MMP26: variants seen among roughly 807,000 people sequenced by gnomAD.
MMP26 encodes the protein matrix metallopeptidase 26.
MMP26 carries 33 observed loss-of-function variants against 31.0 expected under a neutral mutation model. The ratio of observed to expected loss-of-function variants is 1.06; its 90% CI spans 0.81 to 1.42. The LOEUF is 1.42. Among genes scored for constraint, MMP26 ranks in the 40% most tolerant of loss-of-function variants. MMP26 has a pLI of 0.00. For synonymous variants in MMP26, 122 were observed against 114.9 expected, an observed-to-expected ratio of 1.06 and a Z score of -0.40; for missense variants, 347 against 316.1, an observed-to-expected ratio of 1.10 and a Z score of -0.74.
intron 1 of MMP26, among the ~76,000 whole-genome samples, chr11:4,707,843 T>C (rs1301925340): frequency 6.6e-6 from 1 of 152,222 alleles, no homozygotes; most frequent in Non-Finnish European, 1.5e-5. Context: ...CCATTTTTTC[T>C]GGCTCTGAGA....
At chr11:4,937,072 G>A (rs112375462) in intron 2 of MMP26, among the ~76,000 whole-genome samples, 4 of 152,056 alleles carry the variant, frequency 2.6e-5, no homozygotes, top group African/African-American at 9.7e-5. Flanking sequence ...TATTGTATTG[G>A]CATATATTTT....
chr11:4,715,500 C>CA (rs1564893130), intron 1 of MMP26, among the ~76,000 whole-genome samples: 1 of 151,722 alleles, frequency 6.6e-6, no homozygotes, highest in South Asian at 2.1e-4. Context: ...TTGTCTTATT[C>CA]AAAAAAGAGA....
chr11:4,836,651 CTTTTTTTTTT>C (rs71480270), intron 2 of MMP26, among the ~76,000 whole-genome samples: 4 of 95,960 alleles, frequency 4.2e-5, no homozygotes, highest in Non-Finnish European at 8.2e-5. Flanking sequence ...TCAAAGACAT[CTTTTTTTTTT>C]TTTTTTTTTT....
chr11:4,709,562 G>A lies in MMP26; in HGVS notation c.-217+4517G>A, dbSNP rs148249740. The A allele has an allele frequency of 1.8e-3, 758 of 432,572 alleles. 2 individuals carry two copies. The highest frequency in any genetic ancestry group is 2.5e-3 in the Non-Finnish European group (531 of 214,556). 26.8% of individuals were successfully genotyped at this position (432,572 alleles called of 1,614,324 possible). On this transcript the variant is annotated intron_variant, in intron 1 of 7. Transcript: ENST00000380390. ...TTTCCTCAAAGACATCTGCTTCTTCGCTCATCATGCCATCCTTCAACCAGA... is the reference window on the plus strand; with the variant it reads ...TTTCCTCAAAGACATCTGCTTCTTCACTCATCATGCCATCCTTCAACCAGA...
At position 4,785,215 on chromosome 11, in the gene MMP26, A is replaced by C. The variant is rs539595487; in HGVS notation, c.-145+17874A>C. On this transcript the variant is annotated intron_variant, in intron 2 of 7. Coordinates refer to ENST00000380390, the MANE Select transcript of MMP26 (RefSeq NM_021801.5). ...TCCAAGAAACCCTTCAGTTCTGGGA[A>C]AGAGCAGACAGTTGATCACTGTACT... is the stretch of plus-strand genomic sequence containing the variant. Among the ~76,000 whole-genome samples the C allele has an allele frequency of 6.0e-4, 91 of 152,308 alleles. 1 individual carries two copies. Among genetic ancestry groups the C allele is most frequent in the African/African-American group, 2.1e-3 (89 of 41,584 alleles).
chr11:4,732,961 G>A (rs79677392), intron 1 of MMP26, among the ~76,000 whole-genome samples: 2,791 of 152,292 alleles, frequency 0.018, 90 homozygotes, highest in African/African-American at 0.065. Context: ...TAGCTGACAG[G>A]ACACGTGAGT....
chr11:4,823,774 G>A (rs1275205518), intron 2 of MMP26, among the ~76,000 whole-genome samples: 2 of 152,078 alleles, frequency 1.3e-5, no homozygotes, highest in Non-Finnish European at 2.9e-5. Flanking sequence ...AGTTTTTCCT[G>A]TTGCTAAGTA....
At position 4,804,026 on chromosome 11, in the gene MMP26, T is replaced by C. The variant is rs1210528659; in HGVS notation, c.-145+36685T>C. On this transcript the variant is annotated intron_variant, in intron 2 of 7. Transcript: ENST00000380390. ...ACGTAGCAGTCCAGGGCCATAGCCA[T>C]GAGCACCCCAGACTCCACAGAAGAA... The C allele has an allele frequency of 1.2e-6, 2 of 1,613,916 alleles. No homozygotes were observed. The highest frequency in any genetic ancestry group is 1.7e-5 in the Admixed American group (1 of 59,978).
At chr11:4,742,370 T>A (rs927303281) in intron 1 of MMP26, among the ~76,000 whole-genome samples, 4 of 152,132 alleles carry the variant, frequency 2.6e-5, no homozygotes, top group Non-Finnish European at 4.4e-5. Flanking sequence ...TAAGGAATGG[T>A]TTCCAGCAAA....
intron 2 of MMP26, among the ~76,000 whole-genome samples, chr11:4,865,652 A>T (rs1323521338): frequency 1.3e-5 from 2 of 151,972 alleles, no homozygotes; most frequent in African/African-American, 2.4e-5. Flanking sequence ...CAGGAGTAGG[A>T]GTAGTAGTTG....
chr11:4,819,458 T>C (rs1257580297), intron 2 of MMP26, among the ~76,000 whole-genome samples: 1 of 150,912 alleles, frequency 6.6e-6, no homozygotes, highest in Non-Finnish European at 1.5e-5. Flanking sequence ...TGGGAGAATA[T>C]TAAGAGAGAC....
At position 4,833,109 on chromosome 11, in the gene MMP26, C is replaced by T. The variant is rs1427577648; in HGVS notation, c.-145+65768C>T. ...TGGAAATTCTATTTTTTTCACAATACATTTTCTTAGGAGAAGGACAGTGTT... is the reference window on the plus strand; with the variant it reads ...TGGAAATTCTATTTTTTTCACAATATATTTTCTTAGGAGAAGGACAGTGTT... On this transcript the variant is annotated intron_variant, in intron 2 of 7. Transcript: ENST00000380390. 2.6e-5 allele frequency: 4 copies of T among 152,190 alleles called. No individual in the cohort carries two copies. The East Asian group carries it at 7.7e-4, about 29-fold the overall frequency. The allele number at this position is 152,190 out of a possible 1,614,324, so 9.4% of individuals were successfully genotyped here.
intron 2 of MMP26, among the ~76,000 whole-genome samples, chr11:4,873,356 T>G (rs1850335246): frequency 6.6e-6 from 1 of 152,100 alleles, no homozygotes; most frequent in Admixed American, 6.6e-5. Flanking sequence ...ATATCGTCTC[T>G]TCATCTTTGG....
intron 2 of MMP26, among the ~76,000 whole-genome samples, chr11:4,941,760 T>TAAAC (rs10633440): frequency 0.83 from 126,142 of 151,318 alleles, 52,746 homozygotes; most frequent in Middle Eastern, 0.91. Context: ...AAAATAGAAA[T>TAAAC]AAGCAAACTG....
At chr11:4,749,004 T>C (rs564850369) in intron 1 of MMP26, among the ~76,000 whole-genome samples, 31 of 152,148 alleles carry the variant, frequency 2.0e-4, no homozygotes, top group African/African-American at 7.5e-4. Context: ...AATCAAATTA[T>C]CTCTATTTGA....
intron 2 of MMP26, chr11:4,924,347 C>G (rs781483561): frequency 1.3e-6 from 2 of 1,574,850 alleles, no homozygotes; most frequent in East Asian, 2.2e-5. Flanking sequence ...CATAGCTTTA[C>G]AATCTTGGAC....
intron 2 of MMP26, chr11:4,769,187 A>G: frequency 6.2e-7 from 1 of 1,614,112 alleles, no homozygotes; most frequent in Non-Finnish European, 8.5e-7. Flanking sequence ...CACATGGGAG[A>G]CACAGGTGCT....
chr11:4,986,936 T>TCTCTCTCTCTCTCTCTCTCA, intron 2 of MMP26, among the ~76,000 whole-genome samples: 1 of 113,178 alleles, frequency 8.8e-6, no homozygotes, highest in African/African-American at 4.6e-5. Context: ...TCTCTCCCTC[T>TCTCTCTCTCTCTCTCTCTCA]CTCTCTCTCT....
chr11:4,972,937 T>A (rs1219436881), intron 2 of MMP26: 1 of 152,254 alleles, frequency 6.6e-6, no homozygotes, highest in Non-Finnish European at 1.5e-5. Flanking sequence ...TGGTTAAGCA[T>A]CCGCTTCAGC....
Sources: allele counts gnomAD v4.1 joint callset (sites outside exome capture counted in the v4.1 genomes callset), GRCh38; gene constraint gnomAD v4.1.1; transcripts MANE v1.5; gene names NCBI Gene and HGNC (gene_info 2026-07-23, HGNC 2026-07-21).